Variants in MIS18A observed in about 807,000 individuals in gnomAD.
MIS18A encodes the protein MIS18 kinetochore protein A.
In MIS18A, 14 loss-of-function variants were observed where a neutral mutation model predicts 25.0. The ratio of observed to expected loss-of-function variants is 0.56; its 90% CI spans 0.37 to 0.88. MIS18A has a LOEUF of 0.88. Ranked by LOEUF, MIS18A falls within the 40% of genes least tolerant of loss-of-function variation. The pLI, the probability that MIS18A is intolerant of heterozygous loss-of-function variation, is 0.00. For synonymous variants in MIS18A, 134 were observed against 118.6 expected, an observed-to-expected ratio of 1.13 and a Z score of -0.84; for missense variants, 292 against 290.8, an observed-to-expected ratio of 1.00 and a Z score of -0.03.
downstream of MIS18A, among the ~76,000 whole-genome samples, chr21:32,263,666 G>A (rs1242391962): frequency 4.6e-5 from 7 of 152,044 alleles, no homozygotes; most frequent in Non-Finnish European, 7.4e-5. Flanking sequence ...CATTTTAGAC[G>A]TACTAAACGA....
the MIS18A span, among the ~76,000 whole-genome samples, chr21:32,190,630 C>T: frequency 2.0e-5 from 3 of 152,226 alleles, no homozygotes; most frequent in South Asian, 2.1e-4. Flanking sequence ...ATGAAGCACA[C>T]TGTCTCAGAA....
At chr21:32,234,095 C>A in the MIS18A span, among the ~76,000 whole-genome samples, 1 of 152,204 alleles carries the variant, frequency 6.6e-6, no homozygotes, top group African/African-American at 2.4e-5. Context: ...AATGTGTCAA[C>A]ATCCGTTCAT....
At chr21:32,270,228 C>T (rs912336829) in intron 3 of MIS18A, among the ~76,000 whole-genome samples, 179 bp downstream of exon 3, 6 of 148,718 alleles carry the variant, frequency 4.0e-5, no homozygotes, top group Middle Eastern at 3.4e-3. Flanking sequence ...GAGTGTCTGA[C>T]TTTTCCAATA....
At chr21:32,210,612 G>T in the MIS18A span, among the ~76,000 whole-genome samples, 2 of 152,138 alleles carry the variant, frequency 1.3e-5, no homozygotes, top group Non-Finnish European at 2.9e-5. Flanking sequence ...GAGCACAAAG[G>T]TCCCTTGAAA....
chr21:32,244,257 T>C, the MIS18A span, among the ~76,000 whole-genome samples: 1 of 151,838 alleles, frequency 6.6e-6, no homozygotes, highest in African/African-American at 2.4e-5. Context: ...GGGCCAGGGC[T>C]GGGGAGGAAA....
chr21:32,250,659 C>T, the MIS18A span, among the ~76,000 whole-genome samples: 8 of 152,212 alleles, frequency 5.3e-5, no homozygotes, highest in African/African-American at 1.9e-4. Flanking sequence ...TGTGTAAAAT[C>T]TCATTTCTGT....
chr21:32,174,395 G>C, the MIS18A span, among the ~76,000 whole-genome samples: 1 of 152,124 alleles, frequency 6.6e-6, no homozygotes, highest in Non-Finnish European at 1.5e-5. Context: ...AAAGAATGCT[G>C]ACATAGCTCT....
chr21:32,265,510 C>A (rs1033017644), downstream of MIS18A, among the ~76,000 whole-genome samples: 1 of 152,234 alleles, frequency 6.6e-6, no homozygotes, highest in Non-Finnish European at 1.5e-5. Context: ...AGTCCCCCAG[C>A]AGTGCCGGCC....
chr21:32,228,532 T>C, the MIS18A span, among the ~76,000 whole-genome samples: 3 of 152,076 alleles, frequency 2.0e-5, no homozygotes, highest in Non-Finnish European at 2.9e-5. Context: ...ATAAAAGACA[T>C]CCAGATTGAA....
chr21:32,205,580 G>A, the MIS18A span, among the ~76,000 whole-genome samples: 282 of 152,174 alleles, frequency 1.9e-3, no homozygotes, highest in African/African-American at 6.7e-3. Context: ...GTGTGTTTTG[G>A]GGGTGGAGAG....
the MIS18A span, among the ~76,000 whole-genome samples, chr21:32,185,926 C>T: frequency 6.6e-6 from 1 of 152,182 alleles, no homozygotes; most frequent in Admixed American, 6.5e-5. Context: ...CACCTGTTTA[C>T]GTTTTGGCTC....
chr21:32,245,864 T>C, the MIS18A span, among the ~76,000 whole-genome samples: 1 of 152,180 alleles, frequency 6.6e-6, no homozygotes, highest in Non-Finnish European at 1.5e-5. Context: ...TGCATTGTTA[T>C]AAAGAAATAC....
intron 1 of MIS18A, chr21:32,278,304 T>G: frequency 4.8e-6 from 1 of 208,854 alleles, no homozygotes; most frequent in Non-Finnish European, 9.5e-6. Context: ...AGCCTGCTAA[T>G]TTCTATGGGG....
At chr21:32,260,087 T>TTTTTTTTTTTTTTTTTTTTTTTTTTG in the MIS18A span, 1 of 149,792 alleles carries the variant, frequency 6.7e-6, no homozygotes, top group Non-Finnish European at 1.5e-5. Flanking sequence ...TTCTCAGCTT[T>TTTTTTTTTTTTTTTTTTTTTTTTTTG]TTTTTTTTCA....
chr21:32,263,807 CTTTT>C (rs60800890), downstream of MIS18A, among the ~76,000 whole-genome samples: 3 of 121,112 alleles, frequency 2.5e-5, no homozygotes, highest in Admixed American at 8.4e-5. Context: ...GGGAAGCCTT[CTTTT>C]TTTTTTTTTT....
At chr21:32,243,407 T>G in the MIS18A span, among the ~76,000 whole-genome samples, 1 of 152,142 alleles carries the variant, frequency 6.6e-6, no homozygotes, top group Non-Finnish European at 1.5e-5. Context: ...ACCCAGTTTT[T>G]AAAAAATGGT....
chr21:32,172,766 A>C, the MIS18A span, among the ~76,000 whole-genome samples: 2 of 152,162 alleles, frequency 1.3e-5, no homozygotes, highest in Non-Finnish European at 2.9e-5. Context: ...ATAGACCAAA[A>C]TATCAATGGA....
chr21:32,232,641 C>G, the MIS18A span, among the ~76,000 whole-genome samples: 10 of 151,988 alleles, frequency 6.6e-5, no homozygotes, highest in Non-Finnish European at 1.2e-4. Flanking sequence ...GTGAAATTAA[C>G]CAGACACAGA....
chr21:32,258,875 T>TTTATTTAC, the MIS18A span, among the ~76,000 whole-genome samples: 7 of 101,214 alleles, frequency 6.9e-5, no homozygotes, highest in East Asian at 9.1e-4. Flanking sequence ...TATTTATTTA[T>TTTATTTAC]TTACTTACTT....
Sources: allele counts gnomAD v4.1 joint callset (sites outside exome capture counted in the v4.1 genomes callset), GRCh38; gene constraint gnomAD v4.1.1; transcripts MANE v1.5; gene names NCBI Gene and HGNC (gene_info 2026-07-23, HGNC 2026-07-21).